Variants in HHAT observed in about 807,000 individuals in gnomAD.
HHAT encodes protein-cysteine N-palmitoyltransferase HHAT.
HHAT carries 47 observed loss-of-function variants against 70.8 expected under a neutral mutation model. The ratio of observed to expected loss-of-function variants is 0.66; its 90% CI spans 0.53 to 0.85. The LOEUF is 0.85. Among genes scored for constraint, HHAT ranks in the 40% least tolerant of loss-of-function variants. The probability of loss-of-function intolerance (pLI) is 0.00; values close to 1 mark genes in which losing one functional copy is unlikely to be tolerated. For synonymous variants in HHAT, 228 were observed against 247.6 expected, an observed-to-expected ratio of 0.92 and a Z score of 0.74; for missense variants, 609 against 604.8, an observed-to-expected ratio of 1.01 and a Z score of -0.07.
intron 7 of HHAT, among the ~76,000 whole-genome samples, chr1:210,448,345 G>A (rs1396720938): frequency 6.6e-6 from 1 of 152,124 alleles, no homozygotes; most frequent in Non-Finnish European, 1.5e-5. Context: ...GTTTCCCAAA[G>A]TGTTGGGATT....
At chr1:210,580,370 C>G (rs958791096) in intron 9 of HHAT, among the ~76,000 whole-genome samples, 7 of 134,280 alleles carry the variant, frequency 5.2e-5, no homozygotes, top group Non-Finnish European at 1.2e-4. Flanking sequence ...GAAAACTTTT[C>G]TTTCTTTAAA....
At chr1:210,588,171 C>T (rs1024486517) in intron 10 of HHAT, 72 bp downstream of exon 10, 2 of 1,277,420 alleles carry the variant, frequency 1.6e-6, no homozygotes, top group African/African-American at 1.5e-5. Flanking sequence ...GGGATGGGGC[C>T]ATCAGATTCC....
intron 10 of HHAT, among the ~76,000 whole-genome samples, chr1:210,615,121 A>C (rs959574667): frequency 6.6e-6 from 1 of 152,144 alleles, no homozygotes; most frequent in Non-Finnish European, 1.5e-5. Flanking sequence ...GTGTGAGATG[A>C]TATCTCATTG....
At chr1:210,674,138 C>A (rs1256831716) in intron 11 of HHAT, 150 bp from the exon 12 acceptor site, 1 of 644,432 alleles carries the variant, frequency 1.6e-6, no homozygotes, top group Non-Finnish European at 2.8e-6. Flanking sequence ...ATGTAGGACT[C>A]AATTGCTGAA....
chr1:210,605,959 C>T (rs1479641035), intron 10 of HHAT, among the ~76,000 whole-genome samples: 4 of 146,616 alleles, frequency 2.7e-5, no homozygotes, highest in East Asian at 2.0e-4. Flanking sequence ...CAGGTTCAAG[C>T]GATTCTCCTG....
intron 7 of HHAT, among the ~76,000 whole-genome samples, chr1:210,446,915 A>G (rs1158124706): frequency 6.6e-6 from 1 of 152,186 alleles, no homozygotes; most frequent in Non-Finnish European, 1.5e-5. Flanking sequence ...TCTATGTTCC[A>G]TGGACATAGG....
intron 1 of HHAT, 58 bp downstream of exon 1, chr1:210,329,162 T>C: frequency 8.0e-7 from 1 of 1,249,776 alleles, no homozygotes; most frequent in Non-Finnish European, 1.0e-6. Flanking sequence ...ATTTTCTGCG[T>C]CAGTTTACTC....
intron 9 of HHAT, among the ~76,000 whole-genome samples, chr1:210,553,030 T>A (rs537537722): frequency 1.3e-5 from 2 of 152,286 alleles, no homozygotes; most frequent in South Asian, 4.1e-4. Flanking sequence ...CCCATTCAGG[T>A]GACTCTACCC....
At chr1:210,633,859 G>A (rs570686382) in intron 11 of HHAT, among the ~76,000 whole-genome samples, 57 of 152,224 alleles carry the variant, frequency 3.7e-4, no homozygotes, top group Middle Eastern at 6.8e-3. Flanking sequence ...GCCTCTCTGC[G>A]CCCTTTTGTT....
At chr1:210,396,415 C>T (rs1390729932) in intron 4 of HHAT, among the ~76,000 whole-genome samples, 1 of 152,206 alleles carries the variant, frequency 6.6e-6, no homozygotes, top group African/African-American at 2.4e-5. Flanking sequence ...ACCAGAATGG[C>T]TCAGATAGAA....
At chr1:210,479,304 A>G (rs2094355303) in intron 8 of HHAT, among the ~76,000 whole-genome samples, 1 of 152,154 alleles carries the variant, frequency 6.6e-6, no homozygotes, top group Non-Finnish European at 1.5e-5. Flanking sequence ...CTATGGGCCA[A>G]CCATTGACAA....
chr1:210,353,412 C>T (rs7515805), intron 2 of HHAT, among the ~76,000 whole-genome samples: 50,393 of 148,412 alleles, frequency 0.34, 9,527 homozygotes, highest in South Asian at 0.44. Flanking sequence ...TGGAAAATCC[C>T]GGTGATAGAA....
At position 210,384,210 on chromosome 1, in the gene HHAT, T is replaced by G. The variant is rs1199530870; in HGVS notation, c.160-3258T>G. On this transcript the variant is annotated intron_variant, in intron 3 of 11. Coordinates refer to ENST00000261458, the MANE Select transcript of HHAT (RefSeq NM_018194.6). ...ATTACCTGGTAGCAGAATGTAAGCC[T>G]CAGAATAAACAACCACATTTGTTAA... Among the ~76,000 whole-genome samples, 4 of 152,192 alleles carry G rather than the reference T, an allele frequency of 2.6e-5. No homozygotes were observed. In the East Asian group the frequency reaches 7.7e-4, roughly 29 times the overall value.
intron 11 of HHAT, among the ~76,000 whole-genome samples, chr1:210,637,421 C>G (rs1672081376): frequency 6.6e-6 from 1 of 151,976 alleles, no homozygotes; most frequent in African/African-American, 2.4e-5. Context: ...TGGGTGTCAT[C>G]AAAACTAAAA....
chr1:210,418,167 A>G lies in HHAT; in HGVS notation c.698A>G (p.Glu233Gly). Residue 233 changes from glutamate to glycine, a missense_variant, in exon 7 of 12, where the codon GAG becomes GGG. By Grantham distance (98) the Glu-to-Gly change is moderately conservative. Transcript: ENST00000261458. ...TTTCCACTTTAGATGCAGCAGCAGG[A>G]GCATGACTCCCTGAAGGCCAGCCTG... is the stretch of plus-strand genomic sequence containing the variant. ...SEFIKQMQQQ[E>G]HDSLKASLCV... The G allele has an allele frequency of 6.2e-7, 1 of 1,614,134 alleles. No homozygotes were observed. The highest frequency in any genetic ancestry group is 1.1e-5 in the South Asian group (1 of 91,082).
intron 1 of HHAT, among the ~76,000 whole-genome samples, chr1:210,333,588 A>G (rs2085193277): frequency 6.6e-6 from 1 of 152,194 alleles, no homozygotes; most frequent in Non-Finnish European, 1.5e-5. Flanking sequence ...AGTATTTTCA[A>G]AGGCTACACA....
intron 11 of HHAT, among the ~76,000 whole-genome samples, chr1:210,652,057 G>A (rs1023124104): frequency 6.6e-6 from 1 of 152,174 alleles, no homozygotes; most frequent in African/African-American, 2.4e-5. Flanking sequence ...ATAGATGCTG[G>A]ATACACATCA....
chr1:210,406,342 C>G (rs2092328973), intron 6 of HHAT, among the ~76,000 whole-genome samples: 1 of 152,006 alleles, frequency 6.6e-6, no homozygotes, highest in Non-Finnish European at 1.5e-5. Flanking sequence ...CCTGTATGCT[C>G]TGTACTTTGT....
chr1:210,380,133 TTGAG>T (rs2090520223), intron 3 of HHAT, among the ~76,000 whole-genome samples: 1 of 152,248 alleles, frequency 6.6e-6, no homozygotes, highest in Non-Finnish European at 1.5e-5. Context: ...CAAATTTTTA[TTGAG>T]TATCTAATAT....
Sources: allele counts gnomAD v4.1 joint callset (sites outside exome capture counted in the v4.1 genomes callset), GRCh38; gene constraint gnomAD v4.1.1; transcripts MANE v1.5; gene names NCBI Gene and HGNC (gene_info 2026-07-23, HGNC 2026-07-21).